Variants in RALGAPA1 observed in about 807,000 individuals in gnomAD.
RALGAPA1 encodes the protein ral GTPase-activating protein subunit alpha-1.
In RALGAPA1, 52 loss-of-function variants were observed where a neutral mutation model predicts 269.6. The observed-to-expected ratio is 0.19, with a 90% confidence interval of 0.15 to 0.24. The LOEUF (loss-of-function observed/expected upper bound fraction) is 0.24, where lower values mean the gene tolerates loss of function less well. Among genes scored for constraint, RALGAPA1 ranks in the 10% least tolerant of loss-of-function variants. RALGAPA1 has a pLI of 1.00. For synonymous variants in RALGAPA1, 817 were observed against 1,008.3 expected, an observed-to-expected ratio of 0.81 and a Z score of 3.60; for missense variants, 1,917 against 3,013.9, an observed-to-expected ratio of 0.64 and a Z score of 8.52.
At chr14:35,663,096 G>A (rs2063658683) in intron 27 of RALGAPA1, among the ~76,000 whole-genome samples, 1 of 151,932 alleles carries the variant, frequency 6.6e-6, no homozygotes. Context: ...TAGAGACAAG[G>A]TCTCCCTATG....
intron 41 of RALGAPA1, among the ~76,000 whole-genome samples, chr14:35,547,420 AAAC>A (rs907402390): frequency 6.6e-6 from 1 of 152,108 alleles, no homozygotes; most frequent in African/African-American, 2.4e-5. Flanking sequence ...TACAGCTGGT[AAAC>A]AACGACACAT....
At chr14:35,700,995 G>C (rs1045184060) in intron 16 of RALGAPA1, among the ~76,000 whole-genome samples, 5 of 152,088 alleles carry the variant, frequency 3.3e-5, no homozygotes, top group African/African-American at 1.2e-4. Flanking sequence ...GACAAAAATA[G>C]ATAATTTTGT....
At chr14:35,568,210 C>CA (rs1157872435) in intron 39 of RALGAPA1, among the ~76,000 whole-genome samples, 1 of 152,022 alleles carries the variant, frequency 6.6e-6, no homozygotes, top group East Asian at 1.9e-4. Flanking sequence ...TAAAATGCTC[C>CA]AAAATCTGAA....
chr14:35,553,636 A>ATG (rs758074147), intron 39 of RALGAPA1, among the ~76,000 whole-genome samples: 20 of 151,876 alleles, frequency 1.3e-4, no homozygotes, highest in Middle Eastern at 3.4e-3. Context: ...AGAAATGGAA[A>ATG]TGTGTGTGTG....
intron 9 of RALGAPA1, 70 bp from the exon 10 acceptor site, chr14:35,748,894 T>C (rs2072408161): frequency 6.8e-7 from 1 of 1,474,228 alleles, no homozygotes; most frequent in Non-Finnish European, 8.9e-7. Context: ...TTTTGTCTTT[T>C]AATAGGTAAT....
At chr14:35,805,194 C>T (rs1327833212) in intron 1 of RALGAPA1, among the ~76,000 whole-genome samples, 1 of 150,440 alleles carries the variant, frequency 6.6e-6, no homozygotes, top group Admixed American at 6.6e-5. Flanking sequence ...GAGGCTGAGG[C>T]GGGGGGACTG....
chr14:35,615,529 A>T (rs919651587), intron 35 of RALGAPA1, among the ~76,000 whole-genome samples: 2 of 152,162 alleles, frequency 1.3e-5, no homozygotes, highest in Admixed American at 6.5e-5. Context: ...ATTAGAATGA[A>T]TTCTTACTTG....
At chr14:35,562,215 CAGCAAAATTGGA>C (rs1402159106) in intron 39 of RALGAPA1, among the ~76,000 whole-genome samples, 1 of 152,158 alleles carries the variant, frequency 6.6e-6, no homozygotes. Context: ...AATGTTAAAG[CAGCAAAATTGGA>C]AACCTCATCA....
intron 39 of RALGAPA1, among the ~76,000 whole-genome samples, chr14:35,558,681 C>A (rs2139250019): frequency 6.6e-6 from 1 of 152,252 alleles, no homozygotes; most frequent in East Asian, 1.9e-4. Context: ...ATTTTTGCTT[C>A]TTCTCTTTTC....
intron 6 of RALGAPA1, among the ~76,000 whole-genome samples, 187 bp from the exon 7 acceptor site, chr14:35,757,095 T>C (rs1478925478): frequency 6.7e-6 from 1 of 149,268 alleles, no homozygotes; most frequent in African/African-American, 2.5e-5. Flanking sequence ...AAATTTTATT[T>C]ATTTATTTAT....
Position 35,689,119 on chromosome 14 carries a change from TAAC to T in RALGAPA1, c.3289_3291del (p.Val1097del). ...TTTAGTGTTGCTTTCTTGGCACGCATAACATGTGGGACAGTGATTTTTTCATTA... is the reference window on the plus strand; with the variant it reads ...TTTAGTGTTGCTTTCTTGGCACGCATATGTGGGACAGTGATTTTTTCATTA... On this transcript the variant is annotated inframe_deletion, in exon 18 of 42. Transcript: ENST00000680220. The T allele has an allele frequency of 8.1e-7, 1 of 1,235,882 alleles. No individual in the cohort carries two copies. Among genetic ancestry groups the T allele is most frequent in the Non-Finnish European group, 1.0e-6 (1 of 990,220 alleles). The allele number at this position is 1,235,882 out of a possible 1,614,324, so 76.6% of individuals were successfully genotyped here.
intron 33 of RALGAPA1, among the ~76,000 whole-genome samples, chr14:35,632,821 T>C (rs1323090767): frequency 6.6e-6 from 1 of 152,198 alleles, no homozygotes; most frequent in Non-Finnish European, 1.5e-5. Flanking sequence ...AAAAAAGTAC[T>C]TGAAGATGAT....
At chr14:35,645,853 G>T (rs563590045) in intron 31 of RALGAPA1, among the ~76,000 whole-genome samples, 4 of 152,242 alleles carry the variant, frequency 2.6e-5, no homozygotes, top group Non-Finnish European at 5.9e-5. Context: ...GGTAATTTCA[G>T]GGCTGGGACA....
rs960317591 is a variant in RALGAPA1 at position 35,695,234 on chromosome 14, T to TA, written c.2407+4927dup. On this transcript the variant is annotated intron_variant, in intron 17 of 41. Coordinates refer to ENST00000680220, the MANE Select transcript of RALGAPA1 (RefSeq NM_001346249.2). ...GGCAACACAATGAGACCCTATCTCT[T>TA]AAAAAAAAAAAATCTAATTGGAATT... Among the ~76,000 whole-genome samples the TA allele has an allele frequency of 1.3e-3, 197 of 145,950 alleles. 1 individual carries two copies. The Middle Eastern group carries it at 0.014, about 10-fold the overall frequency.
intron 1 of RALGAPA1, among the ~76,000 whole-genome samples, chr14:35,804,610 T>A (rs1443983607): frequency 7.1e-6 from 1 of 141,064 alleles, no homozygotes; most frequent in Non-Finnish European, 1.5e-5. Flanking sequence ...AATAAATAAA[T>A]AAATAGTGAG....
intron 35 of RALGAPA1, among the ~76,000 whole-genome samples, chr14:35,624,156 C>CAAAAAA (rs377171729): frequency 4.6e-4 from 10 of 21,832 alleles, no homozygotes; most frequent in East Asian, 2.2e-3. Context: ...TAATACAACG[C>CAAAAAA]AAAAAAAAAA....
chr14:35,678,076 A>T lies in RALGAPA1; in HGVS notation c.4498T>A (p.Ser1500Thr). The T allele has an allele frequency of 6.2e-7, 1 of 1,607,734 alleles. No homozygotes were observed. Among genetic ancestry groups the T allele is most frequent in the Non-Finnish European group, 8.5e-7 (1 of 1,178,620 alleles). ...TGSESASPVH[S>T]PLGSRSQTPS... is the part of the protein sequence containing the mutation. ...GTCTGTGACCTGGAGCCCAGAGGTG[A>T]GTGGACTGGGGAAGCACTTTCTGAA... Residue 1500 changes from serine (S) to threonine (T), a missense_variant, in exon 22 of 42, where the codon TCA becomes ACA. Physicochemically the swap from Ser to Thr is moderately conservative, Grantham distance 58. Around this residue, in one of 11 missense-constraint regions of RALGAPA1, gnomAD observed 615 missense variants for 790.0 expected, o/e 0.78. Coordinates refer to ENST00000680220, the MANE Select transcript of RALGAPA1 (RefSeq NM_001346249.2).
At chr14:35,563,136 A>G (rs1393865770) in intron 39 of RALGAPA1, among the ~76,000 whole-genome samples, 1 of 151,902 alleles carries the variant, frequency 6.6e-6, no homozygotes, top group African/African-American at 2.4e-5. Flanking sequence ...GCCATCTACC[A>G]TAGGCTAGGC....
chr14:35,668,309 C>G (rs2064120417), intron 26 of RALGAPA1, among the ~76,000 whole-genome samples: 1 of 152,096 alleles, frequency 6.6e-6, no homozygotes, highest in African/African-American at 2.4e-5. Context: ...ATGGTGAAAC[C>G]TCGTCTCTGC....
Sources: allele counts gnomAD v4.1 joint callset (sites outside exome capture counted in the v4.1 genomes callset), GRCh38; gene constraint gnomAD v4.1.1; regional missense constraint gnomAD v4.1.1; transcripts MANE v1.5; gene names NCBI Gene and HGNC (gene_info 2026-07-23, HGNC 2026-07-21).